Variants in TENM2 observed in about 807,000 individuals in gnomAD.
TENM2 encodes teneurin-2.
TENM2 carries 52 observed loss-of-function variants against 245.2 expected under a neutral mutation model. The observed-to-expected ratio is 0.21, with a 90% CI of 0.17 to 0.27. The LOEUF (loss-of-function observed/expected upper bound fraction) is 0.27. TENM2 is among the 10% of genes least tolerant of loss of function. The pLI, the probability that TENM2 is intolerant of heterozygous loss-of-function variation, is 1.00. For synonymous variants in TENM2, 1,363 were observed against 1,438.9 expected (o/e 0.95, Z 1.19); for missense variants, 3,046 against 3,666.8 (o/e 0.83, Z 4.37).
At chr5:167,343,686 A>C (rs1483563377) in intron 1 of TENM2, among the ~76,000 whole-genome samples, 1 of 152,182 alleles carries the variant, frequency 6.6e-6, no homozygotes, top group African/African-American at 2.4e-5. Context: ...CTTGTACTGC[A>C]TTTTTTAAAA....
intron 2 of TENM2, among the ~76,000 whole-genome samples, chr5:167,628,093 A>G (rs1778630000): frequency 6.6e-6 from 1 of 152,190 alleles, no homozygotes; most frequent in Admixed American, 6.5e-5. Flanking sequence ...ACCAAGCCTT[A>G]GTCCTCAGAA....
intron 2 of TENM2, among the ~76,000 whole-genome samples, chr5:167,723,810 A>G (rs1260602189): frequency 1.3e-5 from 2 of 152,196 alleles, no homozygotes; most frequent in African/African-American, 2.4e-5. Flanking sequence ...TATCTATTGA[A>G]TGAATGAACG....
intron 2 of TENM2, among the ~76,000 whole-genome samples, chr5:167,516,850 T>C (rs1352853412): frequency 6.6e-6 from 1 of 152,234 alleles, no homozygotes; most frequent in Non-Finnish European, 1.5e-5. Context: ...AACACCTGTT[T>C]GCTTTACAAT....
At chr5:168,169,182 C>T (rs892801595) in intron 13 of TENM2, among the ~76,000 whole-genome samples, 1 of 152,196 alleles carries the variant, frequency 6.6e-6, no homozygotes, top group African/African-American at 2.4e-5. Flanking sequence ...TTGTTAAGGA[C>T]TGGCTCTTCA....
the TENM2 span, among the ~76,000 whole-genome samples, chr5:167,054,643 C>T: frequency 6.6e-6 from 1 of 152,110 alleles, no homozygotes; most frequent in Non-Finnish European, 1.5e-5. Context: ...TTTATGTTCC[C>T]ACCAGCAATG....
the TENM2 span, among the ~76,000 whole-genome samples, chr5:167,144,824 C>T: frequency 5.3e-5 from 8 of 152,194 alleles, no homozygotes; most frequent in African/African-American, 1.9e-4. Flanking sequence ...GTTGCTGTAA[C>T]AAGCAGTGAA....
At chr5:167,484,440 G>A (rs555227321) in intron 2 of TENM2, among the ~76,000 whole-genome samples, 66 of 152,234 alleles carry the variant, frequency 4.3e-4, no homozygotes, top group African/African-American at 1.5e-3. Context: ...GATCTAGGGA[G>A]AAGATGTCCA....
chr5:168,262,076 G>A (rs776159960), exon 29 of TENM2: 17 of 1,613,884 alleles, frequency 1.1e-5, no homozygotes, highest in Admixed American at 1.7e-5. Flanking sequence ...ACAGACAACA[G>A]AGAGACATAA....
chr5:167,166,663 T>C, the TENM2 span, among the ~76,000 whole-genome samples: 1 of 152,188 alleles, frequency 6.6e-6, no homozygotes, highest in Non-Finnish European at 1.5e-5. Context: ...CAAAATCTAG[T>C]GTGCTTTAAA....
chr5:168,202,068 T>A (rs1480100923), intron 17 of TENM2, among the ~76,000 whole-genome samples: 1 of 152,208 alleles, frequency 6.6e-6, no homozygotes, highest in Non-Finnish European at 1.5e-5. Context: ...AAGTTGTGTA[T>A]TTTTTAGAGA....
chr5:167,460,980 G>A (rs1253779261), intron 2 of TENM2, among the ~76,000 whole-genome samples: 2 of 152,120 alleles, frequency 1.3e-5, no homozygotes, highest in African/African-American at 4.8e-5. Context: ...ACAAATAAGC[G>A]ACTAATAAAT....
At chr5:167,047,430 A>G in the TENM2 span, among the ~76,000 whole-genome samples, 474 of 72,180 alleles carry the variant, frequency 6.6e-3, 1 homozygote, top group African/African-American at 0.016. Context: ...AGAAAGTTCC[A>G]AATTGATAAC....
chr5:167,273,079 G>T, the TENM2 span, among the ~76,000 whole-genome samples: 1 of 152,106 alleles, frequency 6.6e-6, no homozygotes, highest in Non-Finnish European at 1.5e-5. Flanking sequence ...ACCCCCTTAA[G>T]TAGTAGGATA....
At chr5:167,400,745 CAG>C (rs1393787333) in intron 2 of TENM2, among the ~76,000 whole-genome samples, 1 of 152,060 alleles carries the variant, frequency 6.6e-6, no homozygotes, top group East Asian at 1.9e-4. Flanking sequence ...AAAGGATACT[CAG>C]AGAATAGAAG....
the TENM2 span, among the ~76,000 whole-genome samples, chr5:167,139,903 A>G: frequency 1.3e-5 from 2 of 152,190 alleles, no homozygotes; most frequent in African/African-American, 4.8e-5. Context: ...TGTTACTATT[A>G]TTGGTTGGGG....
At chr5:168,240,370 T>G (rs1271710084) in intron 25 of TENM2, among the ~76,000 whole-genome samples, 1 of 152,196 alleles carries the variant, frequency 6.6e-6, no homozygotes, top group Non-Finnish European at 1.5e-5. Flanking sequence ...CCAACACCCC[T>G]CAATCCTAGA....
intron 2 of TENM2, among the ~76,000 whole-genome samples, chr5:167,719,906 G>A (rs768499085): frequency 1.3e-5 from 2 of 152,126 alleles, no homozygotes; most frequent in South Asian, 2.1e-4. Flanking sequence ...AAAGCACACA[G>A]GTTGAGAACC....
intron 2 of TENM2, among the ~76,000 whole-genome samples, chr5:167,623,999 G>A (rs1778344593): frequency 6.6e-6 from 1 of 152,082 alleles, no homozygotes; most frequent in South Asian, 2.1e-4. Flanking sequence ...ATCCACTGTG[G>A]AAAGCAATTT....
the TENM2 span, among the ~76,000 whole-genome samples, chr5:167,232,545 G>T: frequency 6.6e-6 from 1 of 151,916 alleles, no homozygotes; most frequent in Non-Finnish European, 1.5e-5. Context: ...GCTAATTTTT[G>T]TATTTTTAGT....
Sources: allele counts gnomAD v4.1 joint callset (sites outside exome capture counted in the v4.1 genomes callset), GRCh38; gene constraint gnomAD v4.1.1; transcripts MANE v1.5; gene names NCBI Gene and HGNC (gene_info 2026-07-23, HGNC 2026-07-21).